Variants in MAPRE2 observed in about 807,000 individuals in gnomAD.
MAPRE2 encodes microtubule associated protein RP/EB family member 2.
A neutral mutation model predicts 43.2 loss-of-function variants in MAPRE2; 13 were observed. The ratio of observed to expected loss-of-function variants is 0.30; its 90% confidence interval spans 0.20 to 0.48. The LOEUF is 0.48. Among genes scored for constraint, MAPRE2 ranks in the 20% least tolerant of loss-of-function variants. The pLI, the probability that MAPRE2 is intolerant of heterozygous loss-of-function variation, is 0.99. For synonymous variants in MAPRE2, 135 were observed against 148.8 expected (o/e 0.91, Z 0.68); for missense variants, 161 against 400.2 (o/e 0.40, Z 5.10).
At chr18:35,062,156 G>A (rs899482056) in intron 1 of MAPRE2, among the ~76,000 whole-genome samples, 1 of 152,070 alleles carries the variant, frequency 6.6e-6, no homozygotes, top group African/African-American at 2.4e-5. Context: ...AGGAAAAGAC[G>A]TTTGGGGGGA....
chr18:35,063,949 G>C (rs1906687813), intron 1 of MAPRE2, among the ~76,000 whole-genome samples: 1 of 133,606 alleles, frequency 7.5e-6, no homozygotes, highest in South Asian at 2.5e-4. Context: ...AGTGAGCTAT[G>C]ATGGCACCAC....
At position 35,025,583 on chromosome 18, in the gene MAPRE2, G is replaced by A. The variant is rs371758900; in HGVS notation, c.-8+20030G>A. ...CAACTCTATGTGCTCTTCACCCTAG[G>A]AGGACAGGGACTCAGAGGTAACAAC... On this transcript the variant is annotated intron_variant, in intron 2 of 7. Coordinates refer to the MAPRE2 transcript ENST00000413393. Among the ~76,000 whole-genome samples, 41 of 152,270 alleles carry A rather than the reference G, an allele frequency of 2.7e-4. No homozygotes were observed. In the South Asian group the frequency reaches 8.3e-3, roughly 31 times the overall value.
intron 1 of MAPRE2, among the ~76,000 whole-genome samples, chr18:34,980,591 G>A (rs557334329): frequency 2.0e-4 from 30 of 152,278 alleles, no homozygotes; most frequent in African/African-American, 6.0e-4. Flanking sequence ...TCAGTTTGCT[G>A]TTTTCCAAGA....
intron 6 of MAPRE2, among the ~76,000 whole-genome samples, chr18:35,137,564 A>G (rs1910443090): frequency 6.6e-6 from 1 of 152,256 alleles, no homozygotes; most frequent in South Asian, 2.1e-4. Flanking sequence ...TCAGAAGTCT[A>G]ACATGCACAG....
At chr18:34,988,784 A>G (rs78128489) in intron 1 of MAPRE2, 12 of 152,332 alleles carry the variant, frequency 7.9e-5, no homozygotes, top group African/African-American at 2.2e-4. Context: ...GCTGGGGAAC[A>G]GTGATGTGCT....
At chr18:34,994,528 C>A (rs1178118132) in intron 1 of MAPRE2, among the ~76,000 whole-genome samples, 1 of 152,040 alleles carries the variant, frequency 6.6e-6, no homozygotes, top group Non-Finnish European at 1.5e-5. Flanking sequence ...CAGAGAAGGT[C>A]CTGTTCCAAG....
At chr18:34,990,616 C>T (rs1272698234) in intron 1 of MAPRE2, among the ~76,000 whole-genome samples, 1 of 152,124 alleles carries the variant, frequency 6.6e-6, no homozygotes, top group Non-Finnish European at 1.5e-5. Context: ...TCATCTAGCG[C>T]TACGTTCAGT....
chr18:35,009,176 A>C (rs1022933215), intron 2 of MAPRE2, among the ~76,000 whole-genome samples: 4 of 152,162 alleles, frequency 2.6e-5, no homozygotes, highest in African/African-American at 7.2e-5. Flanking sequence ...ATACAGTTAC[A>C]GTATAATGGG....
At chr18:35,052,145 G>C (rs1004211196) in intron 1 of MAPRE2, among the ~76,000 whole-genome samples, 3 of 152,138 alleles carry the variant, frequency 2.0e-5, no homozygotes, top group African/African-American at 7.2e-5. Flanking sequence ...AGTTTTGGCA[G>C]TGTGTCCACC....
intron 5 of MAPRE2, among the ~76,000 whole-genome samples, chr18:35,131,520 T>A (rs914722660): frequency 6.6e-6 from 1 of 152,136 alleles, no homozygotes; most frequent in Non-Finnish European, 1.5e-5. Flanking sequence ...CTTCACATGC[T>A]GAAAGGATGA....
intron 1 of MAPRE2, among the ~76,000 whole-genome samples, chr18:35,068,131 G>C (rs1167539738): frequency 6.6e-6 from 1 of 152,040 alleles, no homozygotes; most frequent in Non-Finnish European, 1.5e-5. Context: ...GATTTTTATT[G>C]CTTTCATGAG....
intron 2 of MAPRE2, among the ~76,000 whole-genome samples, chr18:35,010,364 C>G (rs1245945200): frequency 6.6e-6 from 1 of 152,232 alleles, no homozygotes; most frequent in Non-Finnish European, 1.5e-5. Context: ...CGTGATTGTA[C>G]CACTGCATAC....
intron 1 of MAPRE2, among the ~76,000 whole-genome samples, chr18:35,061,917 G>A (rs1478740379): frequency 5.9e-5 from 9 of 152,064 alleles, no homozygotes; most frequent in African/African-American, 2.2e-4. Flanking sequence ...TCTTTCCTTG[G>A]GTGAAATGTT....
At chr18:34,993,276 T>TA (rs913733810) in intron 1 of MAPRE2, among the ~76,000 whole-genome samples, 1 of 146,162 alleles carries the variant, frequency 6.8e-6, no homozygotes, top group African/African-American at 2.5e-5. Context: ...TTTTTTTTTT[T>TA]ACTTTTAATA....
Position 35,140,277 on chromosome 18 carries a change from C to T in MAPRE2, c.910-18C>T. The T allele has an allele frequency of 6.2e-7, 1 of 1,611,120 alleles. No homozygotes were observed. Among genetic ancestry groups the T allele is most frequent in the Non-Finnish European group, 8.5e-7 (1 of 1,178,480 alleles). On this transcript the variant is annotated intron_variant, in intron 6 of 6. Coordinates refer to ENST00000300249, the MANE Select transcript of MAPRE2 (RefSeq NM_014268.4). ...TCCCAGTCAATTATCTCAGCTGAAA[C>T]TTCTCCCCTGCCCACAGGAGGGCCA...
At chr18:34,991,500 C>T (rs769317205) in intron 1 of MAPRE2, among the ~76,000 whole-genome samples, 5 of 152,170 alleles carry the variant, frequency 3.3e-5, no homozygotes, top group Admixed American at 6.6e-5. Flanking sequence ...ATTAGCCACA[C>T]AGACTGCAAG....
intron 1 of MAPRE2, among the ~76,000 whole-genome samples, chr18:34,977,828 C>T (rs947919651): frequency 3.3e-5 from 5 of 152,222 alleles, no homozygotes; most frequent in African/African-American, 4.8e-5. Context: ...TCGGTCTACC[C>T]TTAGAAGGGC....
At chr18:35,130,992 A>C (rs2144246699) in intron 5 of MAPRE2, among the ~76,000 whole-genome samples, 1 of 152,316 alleles carries the variant, frequency 6.6e-6, no homozygotes, top group South Asian at 2.1e-4. Context: ...GGGAAGAAAG[A>C]GGAATGAGGG....
chr18:35,054,385 A>C (rs1906107743), intron 1 of MAPRE2, among the ~76,000 whole-genome samples: 1 of 152,242 alleles, frequency 6.6e-6, no homozygotes, highest in Non-Finnish European at 1.5e-5. Context: ...ATGATTTCAC[A>C]AATGTCCTAG....
Sources: allele counts gnomAD v4.1 joint callset (sites outside exome capture counted in the v4.1 genomes callset), GRCh38; gene constraint gnomAD v4.1.1; transcripts MANE v1.5; gene names NCBI Gene and HGNC (gene_info 2026-07-23, HGNC 2026-07-21).